Variants in LRRC37A2 observed in about 807,000 individuals in gnomAD.
LRRC37A2 encodes leucine-rich repeat-containing protein 37A2.
In LRRC37A2, 9 loss-of-function variants were observed where a neutral mutation model predicts 68.8. The ratio of observed to expected loss-of-function variants is 0.13; its 90% CI spans 0.08 to 0.23. LRRC37A2 has a LOEUF of 0.23. Ranked by LOEUF, LRRC37A2 falls within the 10% of genes least tolerant of loss-of-function variation. The pLI is 1.00. For missense variants in LRRC37A2, 168 were observed against 950.4 expected (o/e 0.18, Z 10.82); for synonymous variants, 63 against 367.6 (o/e 0.17, Z 9.48).
chr17:46,999,588 G>A, the LRRC37A2 span, among the ~76,000 whole-genome samples: 1 of 152,046 alleles, frequency 6.6e-6, no homozygotes, highest in African/African-American at 2.4e-5. Flanking sequence ...GGGCTCAAGT[G>A]ATCCGCCCAC....
chr17:46,912,069 CAGA>C, the LRRC37A2 span, among the ~76,000 whole-genome samples: 2 of 152,062 alleles, frequency 1.3e-5, no homozygotes, highest in Non-Finnish European at 2.9e-5. Flanking sequence ...CACGATTGAC[CAGA>C]AGACCACCAT....
the LRRC37A2 span, among the ~76,000 whole-genome samples, chr17:46,489,683 TCACCATGTTGGCCAGA>T: frequency 6.7e-6 from 1 of 148,596 alleles, no homozygotes; most frequent in Non-Finnish European, 1.5e-5. Flanking sequence ...AGACAGGGTT[TCACCATGTTGGCCAGA>T]CTGGTCTCAA....
At chr17:46,784,178 C>T in the LRRC37A2 span, among the ~76,000 whole-genome samples, 7 of 152,062 alleles carry the variant, frequency 4.6e-5, no homozygotes, top group Non-Finnish European at 7.4e-5. Context: ...GACTGGTAGC[C>T]GTTTGGTCCC....
chr17:46,782,300 G>A, the LRRC37A2 span, among the ~76,000 whole-genome samples: 1 of 152,318 alleles, frequency 6.6e-6, no homozygotes, highest in East Asian at 1.9e-4. Context: ...GAGAGGAGGA[G>A]GGAAGGTGAG....
chr17:46,743,710 T>C, the LRRC37A2 span, among the ~76,000 whole-genome samples: 8 of 152,206 alleles, frequency 5.3e-5, no homozygotes, highest in Admixed American at 5.2e-4. Flanking sequence ...AACTGGCCTG[T>C]CCTTGGGGCA....
the LRRC37A2 span, among the ~76,000 whole-genome samples, chr17:47,042,279 C>G: frequency 1.3e-5 from 2 of 149,840 alleles, no homozygotes; most frequent in Non-Finnish European, 3.0e-5. Context: ...CAACCTCCAC[C>G]TCCCGGGTTC....
chr17:46,711,491 T>G, the LRRC37A2 span, among the ~76,000 whole-genome samples: 1 of 152,168 alleles, frequency 6.6e-6, no homozygotes, highest in African/African-American at 2.4e-5. Flanking sequence ...TTCAGTCTGG[T>G]CATGAACAAA....
chr17:46,884,393 C>T, the LRRC37A2 span, among the ~76,000 whole-genome samples: 1 of 152,212 alleles, frequency 6.6e-6, no homozygotes, highest in Non-Finnish European at 1.5e-5. Flanking sequence ...AGCCCCCTCT[C>T]CAAGTTCAGG....
the LRRC37A2 span, chr17:47,017,985 C>T: frequency 2.6e-6 from 4 of 1,509,866 alleles, no homozygotes; most frequent in African/African-American, 4.1e-5. Context: ...CCCAGCTCTG[C>T]CTCCAGAGTC....
the LRRC37A2 span, among the ~76,000 whole-genome samples, chr17:47,016,475 G>A: frequency 2.1e-5 from 2 of 95,384 alleles, no homozygotes; most frequent in Non-Finnish European, 4.1e-5. Context: ...GTGCACACAG[G>A]GTAGATCTCT....
chr17:47,001,396 A>G, the LRRC37A2 span, among the ~76,000 whole-genome samples: 1 of 24,248 alleles, frequency 4.1e-5, no homozygotes, highest in Admixed American at 7.2e-4. Context: ...TGAATCTACC[A>G]GATGCTGGGG....
the LRRC37A2 span, among the ~76,000 whole-genome samples, chr17:46,907,166 C>G: frequency 6.6e-6 from 1 of 152,118 alleles, no homozygotes; most frequent in Non-Finnish European, 1.5e-5. Context: ...AGTAGCCTGC[C>G]GAGGTCAACA....
chr17:46,534,735 C>G (rs2054338212), intron 6 of LRRC37A2, among the ~76,000 whole-genome samples: 1 of 150,070 alleles, frequency 6.7e-6, no homozygotes, highest in South Asian at 2.1e-4. Context: ...GGGGTGGCGG[C>G]CGGGCAGAGG....
At chr17:46,999,886 C>A in the LRRC37A2 span, among the ~76,000 whole-genome samples, 2 of 150,542 alleles carry the variant, frequency 1.3e-5, no homozygotes, top group African/African-American at 2.4e-5. Flanking sequence ...GTAATCCCAG[C>A]TACTCAGGAG....
chr17:46,760,465 T>TA, the LRRC37A2 span, among the ~76,000 whole-genome samples: 233 of 141,906 alleles, frequency 1.6e-3, 1 homozygote, highest in Middle Eastern at 7.2e-3. Context: ...ACCTCATCTC[T>TA]AAAAAAAAAA....
At chr17:46,931,555 G>A in the LRRC37A2 span, 2 of 363,556 alleles carry the variant, frequency 5.5e-6, no homozygotes, top group South Asian at 3.5e-5. Flanking sequence ...GTTCTTCTTG[G>A]GTTGAAATGA....
chr17:46,740,379 C>T, the LRRC37A2 span, among the ~76,000 whole-genome samples: 1 of 152,044 alleles, frequency 6.6e-6, no homozygotes, highest in Non-Finnish European at 1.5e-5. Flanking sequence ...CTGGAGAAAG[C>T]ATTTTAATAA....
chr17:46,968,288 T>C, the LRRC37A2 span, among the ~76,000 whole-genome samples: 14 of 152,186 alleles, frequency 9.2e-5, no homozygotes, highest in Non-Finnish European at 1.9e-4. Context: ...CCCTCCGCAC[T>C]GTGGACACCC....
At chr17:46,811,679 G>C in the LRRC37A2 span, among the ~76,000 whole-genome samples, 9 of 152,348 alleles carry the variant, frequency 5.9e-5, no homozygotes, top group Admixed American at 2.0e-4. Flanking sequence ...CTCTGGCTGG[G>C]TGCGGTGGCT....
Sources: gnomAD v4.1 joint callset for allele counts (sites outside exome capture counted in the v4.1 genomes callset) on GRCh38, gnomAD v4.1.1 for gene constraint, MANE v1.5 for transcripts, NCBI Gene and HGNC (gene_info 2026-07-23, HGNC 2026-07-21) for gene names.